PIK3R3: variants seen among roughly 807,000 people sequenced by gnomAD.
PIK3R3 encodes the protein phosphatidylinositol 3-kinase regulatory subunit gamma.
Under a neutral mutation model 62.9 loss-of-function variants are expected in PIK3R3, and 64 were observed. That is an observed-to-expected ratio of 1.02 (90% confidence interval 0.83 to 1.25). The LOEUF (loss-of-function observed/expected upper bound fraction) is 1.25. Among genes scored for constraint, PIK3R3 ranks in the 50% most tolerant of loss-of-function variants. The pLI is 0.00. For synonymous variants in PIK3R3, 165 were observed against 189.0 expected (o/e 0.87, Z 1.04); for missense variants, 614 against 561.6 (o/e 1.09, Z -0.94).
chr1:46,071,696 C>CAAAAAA (rs1331276065), intron 3 of PIK3R3, among the ~76,000 whole-genome samples: 2 of 17,248 alleles, frequency 1.2e-4, no homozygotes, highest in African/African-American at 2.3e-4. Flanking sequence ...ACTCTGTCTC[C>CAAAAAA]AAAAAAAAAA....
At chr1:46,150,472 A>G in the PIK3R3 span, among the ~76,000 whole-genome samples, 1 of 152,230 alleles carries the variant, frequency 6.6e-6, no homozygotes, top group African/African-American at 2.4e-5. Context: ...TCATCCATCT[A>G]AGATAACACA....
At chr1:46,061,237 T>A (rs1234118565) in intron 6 of PIK3R3, among the ~76,000 whole-genome samples, 4 of 152,188 alleles carry the variant, frequency 2.6e-5, no homozygotes, top group East Asian at 3.8e-4. Flanking sequence ...ACACCAGAAA[T>A]CTAGGAATAA....
the PIK3R3 span, among the ~76,000 whole-genome samples, chr1:46,168,701 C>T: frequency 1.2e-4 from 18 of 152,354 alleles, no homozygotes; most frequent in African/African-American, 3.6e-4. Flanking sequence ...GGCAGTGAAT[C>T]TGGTGTCAAC....
At chr1:46,147,450 G>A in the PIK3R3 span, among the ~76,000 whole-genome samples, 65 of 151,286 alleles carry the variant, frequency 4.3e-4, no homozygotes, top group South Asian at 5.4e-3. Context: ...ACGGAGTCTC[G>A]CTCTGTCACC....
At chr1:46,119,854 C>T (rs865837475) in intron 1 of PIK3R3, among the ~76,000 whole-genome samples, 3 of 150,314 alleles carry the variant, frequency 2.0e-5, no homozygotes, top group East Asian at 1.9e-4. Context: ...CACAGCTCAG[C>T]GCAGCCTCGA....
rs149725097 is a variant in PIK3R3 at position 46,103,564 on chromosome 1, C to T, written c.107-22814G>A. 5.7e-4 allele frequency among the ~76,000 whole-genome samples: 87 copies of T among 151,720 alleles called. No homozygotes were observed. In the East Asian group the frequency reaches 0.013, roughly 23 times the overall value. On this transcript the variant is annotated intron_variant, in intron 1 of 9. Coordinates refer to ENST00000262741, the MANE Select transcript of PIK3R3 (RefSeq NM_003629.4). ...AGCCTGGGCAACAAGAGCGAGACTC[C>T]GCCTCAAAAAAAGTTTATGATGGTA... is the stretch of plus-strand genomic sequence containing the variant.
intron 1 of PIK3R3, among the ~76,000 whole-genome samples, chr1:46,090,189 G>A (rs1651482023): frequency 6.6e-6 from 1 of 152,110 alleles, no homozygotes; most frequent in Non-Finnish European, 1.5e-5. Context: ...ACTAGATTTG[G>A]TAAATTATCT....
chr1:46,127,354 A>ATATAT (rs1337156761), intron 1 of PIK3R3, among the ~76,000 whole-genome samples: 7 of 133,888 alleles, frequency 5.2e-5, no homozygotes, highest in African/African-American at 1.2e-4. Context: ...AAAAAAAAAA[A>ATATAT]AAATATATAT....
chr1:46,132,044 G>A lies in PIK3R3; in HGVS notation c.-92C>T, dbSNP rs988926955. 1 of 1,517,556 alleles carries A rather than the reference G, an allele frequency of 6.6e-7. No homozygotes were observed. Among genetic ancestry groups the A allele is most frequent in the African/African-American group, 1.4e-5 (1 of 71,468 alleles). The allele number at this position is 1,517,556 out of a possible 1,614,324, so 94.0% of individuals were successfully genotyped here. ...AATCTAAAAATATATATCTGCAAAA[G>A]TTCCACACGGAAATGTACTTCGGGT... On this transcript the variant is annotated 5_prime_UTR_variant, in exon 1 of 10. Coordinates refer to ENST00000262741, the MANE Select transcript of PIK3R3 (RefSeq NM_003629.4).
the PIK3R3 span, among the ~76,000 whole-genome samples, chr1:46,174,472 A>G: frequency 6.6e-6 from 1 of 152,136 alleles, no homozygotes; most frequent in East Asian, 1.9e-4. Context: ...AGCAAAGGAC[A>G]TTAGCCACAC....
chr1:46,129,300 C>T (rs1655366332), intron 1 of PIK3R3, among the ~76,000 whole-genome samples: 1 of 151,948 alleles, frequency 6.6e-6, no homozygotes, highest in African/African-American at 2.4e-5. Flanking sequence ...AAAATTGCTT[C>T]TATAGAATTT....
chr1:46,135,772 C>G (rs375321782), upstream of PIK3R3, among the ~76,000 whole-genome samples: 2 of 151,824 alleles, frequency 1.3e-5, no homozygotes, highest in African/African-American at 4.8e-5. Context: ...TGGCTCATGC[C>G]TGTAATCCCA....
intron 1 of PIK3R3, among the ~76,000 whole-genome samples, chr1:46,119,462 T>TA (rs1251122032): frequency 1.3e-5 from 2 of 152,158 alleles, no homozygotes; most frequent in Non-Finnish European, 2.9e-5. Flanking sequence ...GGACACATGT[T>TA]AAGAAGTGGC....
intron 1 of PIK3R3, among the ~76,000 whole-genome samples, chr1:46,099,343 C>G (rs1201488570): frequency 1.3e-5 from 2 of 152,160 alleles, no homozygotes; most frequent in Non-Finnish European, 2.9e-5. Flanking sequence ...GACAGAAAAA[C>G]TACCTGGTTC....
intron 1 of PIK3R3, among the ~76,000 whole-genome samples, chr1:46,100,356 C>T (rs924910258): frequency 5.3e-5 from 8 of 152,084 alleles, no homozygotes; most frequent in Non-Finnish European, 8.8e-5. Context: ...ATATAAATAA[C>T]CAATTGTTCC....
the PIK3R3 span, among the ~76,000 whole-genome samples, chr1:46,140,960 A>G: frequency 6.6e-6 from 1 of 152,022 alleles, no homozygotes; most frequent in Non-Finnish European, 1.5e-5. Context: ...TCCCAGGCTC[A>G]AACAGTCCTC....
At position 46,111,724 on chromosome 1, in the gene PIK3R3, C is replaced by CA. The variant is rs1442328269; in HGVS notation, c.106+20122dup. 1.3e-4 allele frequency among the ~76,000 whole-genome samples: 18 copies of CA among 142,116 alleles called. 1 individual carries two copies. The East Asian group carries it at 2.6e-3, about 20-fold the overall frequency. 93.2% of individuals were successfully genotyped at this position (142,116 alleles called of 152,430 possible). ...TGGGTGACAGAGCCAGACTCTGTCTCAAAAAAAAGGGTGGGGGGGCATGTT... is the reference window on the plus strand; with the variant it reads ...TGGGTGACAGAGCCAGACTCTGTCTCAAAAAAAAAGGGTGGGGGGGCATGTT... On this transcript the variant is annotated intron_variant, in intron 1 of 9. Transcript: ENST00000262741.
At chr1:46,139,626 C>T in the PIK3R3 span, among the ~76,000 whole-genome samples, 5 of 152,210 alleles carry the variant, frequency 3.3e-5, no homozygotes, top group South Asian at 6.2e-4. Context: ...TGCTTCTAAA[C>T]GGACTAACTC....
chr1:46,119,773 ATTTTTTTTTT>A (rs749113212), intron 1 of PIK3R3, among the ~76,000 whole-genome samples: 1 of 124,334 alleles, frequency 8.0e-6, no homozygotes, highest in African/African-American at 2.9e-5. Context: ...CCAACTCCTA[ATTTTTTTTTT>A]TTTTTTTTTT....
Sources: allele counts gnomAD v4.1 joint callset (sites outside exome capture counted in the v4.1 genomes callset), GRCh38; gene constraint gnomAD v4.1.1; transcripts MANE v1.5; gene names NCBI Gene and HGNC (gene_info 2026-07-23, HGNC 2026-07-21).